Variants in SOX6 observed in about 807,000 individuals in gnomAD.
The protein encoded by SOX6 is transcription factor SOX-6.
In SOX6, 11 loss-of-function variants were observed where a neutral mutation model predicts 97.8. The ratio of observed to expected loss-of-function variants is 0.11; its 90% CI spans 0.07 to 0.19. The LOEUF (loss-of-function observed/expected upper bound fraction) is 0.19. Among genes scored for constraint, SOX6 ranks in the 10% least tolerant of loss-of-function variants. The pLI is 1.00. For missense variants in SOX6, 810 were observed against 1,039.5 expected (o/e 0.78, Z 3.04); for synonymous variants, 360 against 371.4 (o/e 0.97, Z 0.35).
intron 4 of SOX6, among the ~76,000 whole-genome samples, chr11:16,188,829 G>C (rs1851552936): frequency 1.3e-5 from 2 of 152,022 alleles, no homozygotes; most frequent in South Asian, 4.2e-4. Flanking sequence ...TTGGGAGGCT[G>C]AGGCAGGTGG....
At chr11:16,125,065 C>CTGAT (rs760248926) in intron 6 of SOX6, among the ~76,000 whole-genome samples, 4 of 151,984 alleles carry the variant, frequency 2.6e-5, no homozygotes, top group Non-Finnish European at 5.9e-5. Context: ...CAAAGAGTAT[C>CTGAT]TGATTGATTC....
At chr11:16,060,390 G>C (rs992210190) in intron 9 of SOX6, among the ~76,000 whole-genome samples, 1 of 151,860 alleles carries the variant, frequency 6.6e-6, no homozygotes, top group Non-Finnish European at 1.5e-5. Flanking sequence ...GAGAAAGGAA[G>C]AGGTACAGCC....
intron 1 of SOX6, among the ~76,000 whole-genome samples, chr11:16,421,668 T>C (rs575425283): frequency 2.6e-5 from 4 of 152,358 alleles, no homozygotes; most frequent in East Asian, 3.9e-4. Context: ...TTGATTTGTT[T>C]TGACTTCAAT....
chr11:16,058,373 C>T (rs901281202), intron 9 of SOX6, among the ~76,000 whole-genome samples: 1 of 151,922 alleles, frequency 6.6e-6, no homozygotes, highest in African/African-American at 2.4e-5. Context: ...CTCTTTTCTT[C>T]CAAGGTCTTT....
At chr11:16,214,952 G>A (rs1852331811) in intron 4 of SOX6, among the ~76,000 whole-genome samples, 1 of 152,014 alleles carries the variant, frequency 6.6e-6, no homozygotes, top group Admixed American at 6.6e-5. Context: ...GTTTTACCAT[G>A]TTGATCCGGC....
At chr11:16,333,700 C>T (rs1434573266) in intron 2 of SOX6, among the ~76,000 whole-genome samples, 4 of 152,026 alleles carry the variant, frequency 2.6e-5, no homozygotes, top group Non-Finnish European at 4.4e-5. Flanking sequence ...ACTAGATTCA[C>T]GCTAGACTAG....
At chr11:16,572,688 G>A (rs2133199994) in intron 4 of SOX6, among the ~76,000 whole-genome samples, 1 of 152,242 alleles carries the variant, frequency 6.6e-6, no homozygotes, top group Non-Finnish European at 1.5e-5. Context: ...CTGCAAACAG[G>A]AAGTCAGGCC....
At chr11:16,143,204 C>G (rs1049415346) in intron 6 of SOX6, among the ~76,000 whole-genome samples, 2 of 152,162 alleles carry the variant, frequency 1.3e-5, no homozygotes, top group Non-Finnish European at 2.9e-5. Context: ...ATTCAACATT[C>G]TTAAAGAAAA....
intron 3 of SOX6, among the ~76,000 whole-genome samples, chr11:16,676,479 T>C (rs1257151736): frequency 6.6e-6 from 1 of 152,254 alleles, no homozygotes; most frequent in Non-Finnish European, 1.5e-5. Context: ...TTTATACTTG[T>C]TGAATATCTG....
chr11:16,727,616 T>C (rs1435173736), intron 2 of SOX6, among the ~76,000 whole-genome samples: 1 of 151,754 alleles, frequency 6.6e-6, no homozygotes, highest in East Asian at 1.9e-4. Context: ...TTTTGTATTT[T>C]TAGTAGAGAT....
intron 3 of SOX6, among the ~76,000 whole-genome samples, chr11:16,674,083 G>A (rs759718239): frequency 2.1e-4 from 32 of 151,194 alleles, no homozygotes; most frequent in African/African-American, 6.3e-4. Flanking sequence ...CCAGCTACTC[G>A]GAAGGCTGAG....
chr11:16,027,795 A>T (rs1401409363), intron 12 of SOX6, among the ~76,000 whole-genome samples: 1 of 152,236 alleles, frequency 6.6e-6, no homozygotes, highest in African/African-American at 2.4e-5. Context: ...CTCACCGCGC[A>T]TCTAGATTTA....
intron 2 of SOX6, among the ~76,000 whole-genome samples, chr11:16,726,307 C>T (rs552144162): frequency 1.3e-5 from 2 of 152,288 alleles, no homozygotes; most frequent in South Asian, 2.1e-4. Context: ...TACCCAGCTA[C>T]GCAGGAGGCT....
chr11:16,005,270 G>T (rs7924380), intron 13 of SOX6, among the ~76,000 whole-genome samples: 13,606 of 151,896 alleles, frequency 0.09, 1,256 homozygotes, highest in East Asian at 0.36. Flanking sequence ...TATTTCAAAA[G>T]GTTCTCTACG....
At chr11:16,290,573 G>C (rs951733052) in intron 3 of SOX6, among the ~76,000 whole-genome samples, 1 of 151,940 alleles carries the variant, frequency 6.6e-6, no homozygotes. Flanking sequence ...GACACAAAAC[G>C]TGTTTTGTCA....
intron 3 of SOX6, among the ~76,000 whole-genome samples, chr11:16,630,936 C>T (rs1848698363): frequency 6.6e-6 from 1 of 152,152 alleles, no homozygotes; most frequent in Non-Finnish European, 1.5e-5. Context: ...ATGTGCATGA[C>T]AGACCTTTCT....
chr11:16,649,574 G>A (rs1057029190), intron 3 of SOX6, among the ~76,000 whole-genome samples: 1 of 152,120 alleles, frequency 6.6e-6, no homozygotes, highest in East Asian at 1.9e-4. Flanking sequence ...CAAATGCTGA[G>A]AGAATTTGCC....
intron 9 of SOX6, among the ~76,000 whole-genome samples, chr11:16,057,929 CT>C (rs1847858278): frequency 6.6e-6 from 1 of 152,070 alleles, no homozygotes; most frequent in South Asian, 2.1e-4. Flanking sequence ...AGGATCTTCC[CT>C]TTCCACTGAA....
intron 4 of SOX6, among the ~76,000 whole-genome samples, chr11:16,591,318 C>CATAGATAGATAGATAGATAGACAG (rs1848148080): frequency 8.1e-6 from 1 of 123,444 alleles, no homozygotes; most frequent in Admixed American, 8.6e-5. Context: ...TGGTTAGATA[C>CATAGATAGATAGATAGATAGACAG]ATAGATAGAT....
Sources: allele counts gnomAD v4.1 joint callset (sites outside exome capture counted in the v4.1 genomes callset), GRCh38; gene constraint gnomAD v4.1.1; transcripts MANE v1.5; gene names NCBI Gene and HGNC (gene_info 2026-07-23, HGNC 2026-07-21).